ATOSA: variants seen among roughly 807,000 people sequenced by gnomAD.
ATOSA encodes the protein atos homolog A, also known as atos homolog protein A.
the ATOSA span, among the ~76,000 whole-genome samples, chr15:52,617,686 A>G: frequency 6.6e-6 from 1 of 151,098 alleles, no homozygotes; most frequent in African/African-American, 2.4e-5. Context: ...TTAGCTTCAT[A>G]CAATGTAGCT....
At chr15:52,654,184 A>G in the ATOSA span, among the ~76,000 whole-genome samples, 1 of 152,186 alleles carries the variant, frequency 6.6e-6, no homozygotes, top group Non-Finnish European at 1.5e-5. Flanking sequence ...ATATAAAAAG[A>G]GAATTTACAG....
At chr15:52,624,633 T>C in the ATOSA span, among the ~76,000 whole-genome samples, 1 of 152,230 alleles carries the variant, frequency 6.6e-6, no homozygotes, top group South Asian at 2.1e-4. Flanking sequence ...GACAGCTCTA[T>C]AGTTATATCA....
chr15:52,680,662 C>T, the ATOSA span, among the ~76,000 whole-genome samples: 10 of 152,092 alleles, frequency 6.6e-5, no homozygotes, highest in South Asian at 1.0e-3. Flanking sequence ...CTTAACTCCA[C>T]GATTGTATCT....
chr15:52,673,916 G>A, the ATOSA span, among the ~76,000 whole-genome samples: 13 of 152,126 alleles, frequency 8.5e-5, no homozygotes, highest in Non-Finnish European at 1.5e-5. Context: ...TAGCCAAATG[G>A]AGGAAAAAAC....
At chr15:52,686,258 G>A in the ATOSA span, among the ~76,000 whole-genome samples, 1 of 152,158 alleles carries the variant, frequency 6.6e-6, no homozygotes, top group African/African-American at 2.4e-5. Context: ...GCATCCTAAT[G>A]AGAATTCCAC....
At chr15:52,678,735 C>G in the ATOSA span, 6 of 153,202 alleles carry the variant, frequency 3.9e-5, no homozygotes, top group African/African-American at 1.4e-4. Flanking sequence ...CGGCCGGCTC[C>G]GGGGGAGGTG....
At chr15:52,703,331 T>C in the ATOSA span, among the ~76,000 whole-genome samples, 5 of 152,288 alleles carry the variant, frequency 3.3e-5, no homozygotes, top group Admixed American at 1.3e-4. Flanking sequence ...TTTTATATAG[T>C]TTATAGGATT....
At chr15:52,648,233 C>T in the ATOSA span, among the ~76,000 whole-genome samples, 1 of 151,954 alleles carries the variant, frequency 6.6e-6, no homozygotes, top group Non-Finnish European at 1.5e-5. Context: ...CTCATGATAC[C>T]GAGGGGGATA....
At chr15:52,621,134 T>C in the ATOSA span, among the ~76,000 whole-genome samples, 1 of 152,160 alleles carries the variant, frequency 6.6e-6, no homozygotes, top group African/African-American at 2.4e-5. Flanking sequence ...TATTCAACAA[T>C]ATGAGACTGG....
chr15:52,696,341 G>A, the ATOSA span, among the ~76,000 whole-genome samples: 4 of 151,996 alleles, frequency 2.6e-5, no homozygotes, highest in African/African-American at 9.7e-5. Context: ...ACCAGCCACT[G>A]CCCTCTACCC....
chr15:52,697,597 A>G, the ATOSA span, among the ~76,000 whole-genome samples: 7 of 152,178 alleles, frequency 4.6e-5, no homozygotes, highest in Non-Finnish European at 8.8e-5. Context: ...TTTTCTTATA[A>G]CCTTTAGGTT....
At chr15:52,663,319 C>T in the ATOSA span, among the ~76,000 whole-genome samples, 1 of 152,182 alleles carries the variant, frequency 6.6e-6, no homozygotes, top group African/African-American at 2.4e-5. Flanking sequence ...ATTAATCATT[C>T]CCTATGACCT....
the ATOSA span, among the ~76,000 whole-genome samples, chr15:52,633,342 A>T: frequency 6.6e-6 from 1 of 152,230 alleles, no homozygotes; most frequent in South Asian, 2.1e-4. Context: ...AAACCACTCA[A>T]AATATATAAA....
chr15:52,633,829 C>T, the ATOSA span, among the ~76,000 whole-genome samples: 1 of 152,090 alleles, frequency 6.6e-6, no homozygotes, highest in East Asian at 1.9e-4. Context: ...ATAATTTTTT[C>T]TCAGTTTTAA....
At chr15:52,629,574 AG>A in the ATOSA span, 1 of 388,066 alleles carries the variant, frequency 2.6e-6, no homozygotes, top group Non-Finnish European at 5.2e-6. Context: ...CAGGCTGAGG[AG>A]GGCACATCAT....
chr15:52,646,568 G>A, the ATOSA span, among the ~76,000 whole-genome samples: 1 of 152,094 alleles, frequency 6.6e-6, no homozygotes, highest in African/African-American at 2.4e-5. Context: ...GTACTGTCCA[G>A]GGCAAACCCA....
chr15:52,677,779 G>A, the ATOSA span, among the ~76,000 whole-genome samples: 1 of 152,140 alleles, frequency 6.6e-6, no homozygotes, highest in African/African-American at 2.4e-5. Context: ...AGATACACTA[G>A]AATCTCTCTT....
the ATOSA span, among the ~76,000 whole-genome samples, chr15:52,698,230 C>T: frequency 6.6e-6 from 1 of 151,744 alleles, no homozygotes; most frequent in East Asian, 1.9e-4. Context: ...CTGCCCGCCT[C>T]GGCCTCCCAA....
At chr15:52,588,233 A>T in the ATOSA span, among the ~76,000 whole-genome samples, 3 of 152,184 alleles carry the variant, frequency 2.0e-5, no homozygotes, top group Non-Finnish European at 2.9e-5. Context: ...ATCAATTTAC[A>T]TTAAGGTTTG....
Sources: gnomAD v4.1 joint callset for allele counts (sites outside exome capture counted in the v4.1 genomes callset) on GRCh38, gnomAD v4.1.1 for gene constraint, MANE v1.5 for transcripts, NCBI Gene and HGNC (gene_info 2026-07-23, HGNC 2026-07-21) for gene names.